RBFOX1: variants seen among roughly 807,000 people sequenced by gnomAD.
RBFOX1 encodes the protein RNA binding fox-1 homolog 1.
Under a neutral mutation model 57.7 loss-of-function variants are expected in RBFOX1, and 8 were observed. The ratio of observed to expected loss-of-function variants is 0.14; its 90% CI spans 0.08 to 0.25. The LOEUF (loss-of-function observed/expected upper bound fraction) is 0.25, where lower values mean the gene tolerates loss of function less well. Ranked by LOEUF, RBFOX1 falls within the 10% of genes least tolerant of loss-of-function variation. The pLI is 1.00. For missense variants in RBFOX1, 611 were observed against 548.5 expected (o/e 1.11, Z -1.14); for synonymous variants, 326 against 222.4 (o/e 1.47, Z -4.15).
chr16:7,569,880 C>T (rs185573109), intron 5 of RBFOX1, among the ~76,000 whole-genome samples: 1 of 152,178 alleles, frequency 6.6e-6, no homozygotes, highest in African/African-American at 2.4e-5. Flanking sequence ...CAAAACAAAA[C>T]AATACAGCTA....
chr16:6,553,579 C>T (rs778787512), intron 2 of RBFOX1, among the ~76,000 whole-genome samples: 12 of 152,194 alleles, frequency 7.9e-5, no homozygotes, highest in Non-Finnish European at 1.3e-4. Context: ...TCTTACTCAC[C>T]TTTGTGCTAC....
chr16:6,343,747 CT>C (rs2084913256), intron 2 of RBFOX1, among the ~76,000 whole-genome samples: 1 of 152,146 alleles, frequency 6.6e-6, no homozygotes, highest in East Asian at 1.9e-4. Flanking sequence ...CAGGACTCGT[CT>C]TGAGATTTGA....
chr16:6,984,180 G>C (rs944189088), intron 3 of RBFOX1, among the ~76,000 whole-genome samples: 1 of 152,174 alleles, frequency 6.6e-6, no homozygotes, highest in Non-Finnish European at 1.5e-5. Context: ...CCTGGAGGCA[G>C]AGGTTGCGGT....
chr16:5,989,725 C>G (rs868411338), intron 4 of RBFOX1, among the ~76,000 whole-genome samples: 1 of 151,884 alleles, frequency 6.6e-6, no homozygotes, highest in Admixed American at 6.6e-5. Flanking sequence ...TCATTTGTCT[C>G]GCTTCTGGGC....
intron 3 of RBFOX1, among the ~76,000 whole-genome samples, chr16:6,847,557 G>A (rs1219343890): frequency 6.6e-6 from 1 of 151,886 alleles, no homozygotes; most frequent in East Asian, 1.9e-4. Context: ...GTGTAGGGAA[G>A]TGTGGTCCAT....
chr16:5,332,349 C>T (rs1368722201), intron 1 of RBFOX1, among the ~76,000 whole-genome samples: 1 of 152,016 alleles, frequency 6.6e-6, no homozygotes, highest in Non-Finnish European at 1.5e-5. Flanking sequence ...CTCATTGCAA[C>T]CTCTGCTTCC....
intron 3 of RBFOX1, among the ~76,000 whole-genome samples, chr16:6,876,290 G>C (rs1053749714): frequency 3.9e-5 from 6 of 152,106 alleles, no homozygotes; most frequent in Admixed American, 2.0e-4. Context: ...GAATCACCCA[G>C]TTGCTTCCTG....
chr16:5,640,228 C>A (rs1400501439), intron 3 of RBFOX1, among the ~76,000 whole-genome samples: 1 of 152,176 alleles, frequency 6.6e-6, no homozygotes, highest in Non-Finnish European at 1.5e-5. Context: ...ACCCAAGAAT[C>A]TATATTAATG....
At chr16:6,379,727 G>A (rs1292336523) in intron 2 of RBFOX1, among the ~76,000 whole-genome samples, 7 of 152,048 alleles carry the variant, frequency 4.6e-5, no homozygotes, top group Non-Finnish European at 1.0e-4. Context: ...TCATGATGGT[G>A]GGAATATGCC....
intron 4 of RBFOX1, among the ~76,000 whole-genome samples, chr16:7,354,893 G>T (rs914047624): frequency 6.6e-6 from 1 of 152,184 alleles, no homozygotes. Context: ...TATGCTAAAA[G>T]ATTAAATTAA....
rs534713680 is a variant in RBFOX1, at chr16:6,304,130, A to G, written c.-126-12865A>G. Among the ~76,000 whole-genome samples, 4 of 151,888 alleles carry G rather than the reference A, an allele frequency of 2.6e-5. No homozygotes were observed. The East Asian group carries it at 8.0e-4, about 30-fold the overall frequency. On this transcript the variant is annotated intron_variant, in intron 1 of 15. Transcript: ENST00000550418. ...CAGCCCAAACCCCATCTTCACTAAA[A>G]TACAAAAATTACCCAGGCGTGGTGG...
Position 6,013,049 on chromosome 16 carries a change from T to TATC in RBFOX1, c.351+145729_351+145731dup, listed in dbSNP as rs547062783. Among the ~76,000 whole-genome samples, 1,345 of 152,180 alleles carry TATC rather than the reference T, an allele frequency of 8.8e-3. 13 individuals carry two copies. Among genetic ancestry groups the TATC allele is most frequent in the Non-Finnish European group, 0.014 (948 of 67,986 alleles). On this transcript the variant is annotated intron_variant, in intron 4 of 19. Transcript: ENST00000641259. ...ATAGTAACTATTAATATGTTAATTA[T>TATC]ATCATCATCATCATCATTGTTGTCA...
chr16:7,273,211 T>TTCCC (rs2095368946), intron 4 of RBFOX1, among the ~76,000 whole-genome samples: 14 of 98,792 alleles, frequency 1.4e-4, no homozygotes, highest in African/African-American at 3.8e-4. Flanking sequence ...CCTCCCTTCC[T>TTCCC]TCCTTCCTTC....
At chr16:5,644,462 G>A (rs2048982682) in intron 3 of RBFOX1, among the ~76,000 whole-genome samples, 1 of 152,202 alleles carries the variant, frequency 6.6e-6, no homozygotes, top group South Asian at 2.1e-4. Flanking sequence ...ATGGGTTGAA[G>A]TTGGACTGTA....
chr16:7,176,926 C>G (rs750200714), intron 4 of RBFOX1, among the ~76,000 whole-genome samples: 3 of 152,114 alleles, frequency 2.0e-5, no homozygotes, highest in South Asian at 2.1e-4. Context: ...TGCCTCTAAT[C>G]TCAGAATAGA....
intron 3 of RBFOX1, among the ~76,000 whole-genome samples, chr16:6,897,837 C>T (rs1401049587): frequency 6.6e-6 from 1 of 152,048 alleles, no homozygotes; most frequent in Non-Finnish European, 1.5e-5. Context: ...ATTACAGAGC[C>T]CTGCAGTTTC....
chr16:7,575,343 C>G (rs1602253180), intron 5 of RBFOX1, among the ~76,000 whole-genome samples: 1 of 152,110 alleles, frequency 6.6e-6, no homozygotes, highest in Non-Finnish European at 1.5e-5. Context: ...CCATGTTGGT[C>G]AGGCTGGTCT....
At chr16:7,275,752 T>G (rs1450423939) in intron 4 of RBFOX1, among the ~76,000 whole-genome samples, 1 of 152,238 alleles carries the variant, frequency 6.6e-6, no homozygotes, top group Non-Finnish European at 1.5e-5. Context: ...AGCATCAAAA[T>G]ATCCACTTTG....
intron 4 of RBFOX1, among the ~76,000 whole-genome samples, chr16:7,366,128 G>C (rs2097441170): frequency 6.7e-6 from 1 of 150,252 alleles, no homozygotes; most frequent in South Asian, 2.1e-4. Flanking sequence ...CACAGACATG[G>C]CAGCTGACCC....
Sources: gnomAD v4.1 joint callset for allele counts (sites outside exome capture counted in the v4.1 genomes callset) on GRCh38, gnomAD v4.1.1 for gene constraint, MANE v1.5 for transcripts, NCBI Gene and HGNC (gene_info 2026-07-23, HGNC 2026-07-21) for gene names.